The following FDPS variants were observed in gnomAD, a reference collection of about 807,000 sequenced individuals.
FDPS encodes the protein farnesyl diphosphate synthase.
In FDPS, 29 loss-of-function variants were observed where a neutral mutation model predicts 49.5. The ratio of observed to expected loss-of-function variants is 0.59; its 90% CI spans 0.44 to 0.80. FDPS has a LOEUF of 0.80. FDPS is among the 30% of genes least tolerant of loss of function. The pLI is 0.00. For synonymous variants in FDPS, 172 were observed against 206.4 expected, an observed-to-expected ratio of 0.83 and a Z score of 1.43; for missense variants, 414 against 525.6, an observed-to-expected ratio of 0.79 and a Z score of 2.08.
chr1:155,320,144 C>T (rs1488228416), intron 10 of FDPS: 2 of 656,434 alleles, frequency 3.0e-6, no homozygotes, highest in Non-Finnish European at 5.2e-6. Flanking sequence ...AGAACAGCTC[C>T]CCCAGACAGG....
At position 155,319,596 on chromosome 1, in the gene FDPS, C is replaced by G. The variant is rs375549741; in HGVS notation, c.847-15C>G. On this transcript the variant is annotated splice_polypyrimidine_tract_variant and intron_variant, in intron 8 of 10. Coordinates refer to ENST00000368356, the MANE Select transcript of FDPS (RefSeq NM_002004.4). ...ACCCCTGGGGTTTGGCTTATTAACC[C>G]CCCTTTCCCTGCAGGCAGGAATTGA... is the stretch of plus-strand genomic sequence containing the variant. 1.2e-6 allele frequency: 2 copies of G among 1,613,498 alleles called. No homozygotes were observed. The highest frequency in any genetic ancestry group is 2.7e-5 in the African/African-American group (2 of 74,902).
Position 155,319,651 on chromosome 1 carries a change from A to C in FDPS, c.887A>C (p.Lys296Thr). The C allele has an allele frequency of 1.9e-6, 3 of 1,614,250 alleles. No individual in the cohort carries two copies. The South Asian group carries it at 3.3e-5, about 18-fold the overall frequency. ...DGEKEHANAKKILLEMGEFFQ... is the reference protein window; with the variant it reads ...DGEKEHANAKTILLEMGEFFQ... ...GAGAAGGAGCACGCCAATGCCAAGA[A>C]GATCCTGCTGGAGATGGGGGAGTTC... The change falls in exon 9 of 11, where the codon AAG becomes ACG. Residue 296 changes from lysine to threonine, a missense_variant. Transcript: ENST00000368356.
At position 155,310,081 on chromosome 1, in the gene FDPS, A is replaced by G. The variant is rs1355650220; in HGVS notation, c.215A>G (p.Asn72Ser). 1.9e-6 allele frequency: 3 copies of G among 1,614,008 alleles called. 1 individual carries two copies. In the South Asian group the frequency reaches 3.3e-5, roughly 18 times the overall value. Residue 72 changes from asparagine to serine, a missense_variant, in exon 3 of 11, where the codon AAT becomes AGT. By Grantham distance (46) the Asn-to-Ser change is conservative. Transcript: ENST00000368356. ...TCCCTCAGAATGAACGGAGACCAGA[A>G]TTCAGATGTTTATGCCCAAGAAAAG... ...CSSLRMNGDQ[N>S]SDVYAQEKQD...
Position 155,318,397 on chromosome 1 carries a change from C to T in FDPS, c.684+106C>T. 1 of 1,455,474 alleles carries T rather than the reference C, an allele frequency of 6.9e-7. No individual in the cohort carries two copies. Among genetic ancestry groups the T allele is most frequent in the Middle Eastern group, 1.8e-4 (1 of 5,688 alleles). The allele number at this position is 1,455,474 out of a possible 1,614,324, so 90.2% of individuals were successfully genotyped here. ...TTCAGGGTACAGGATTGCAGCGTGC[C>T]TGGAAGGGAAAGAAAGCGAGGAAGG... On this transcript the variant is annotated intron_variant, in intron 6 of 10. Transcript: ENST00000368356. This position sits in a 1 kb window ranked among gnomAD's most constrained non-coding sequence, Gnocchi z 4.2.
At chr1:155,311,463 C>T (rs138755320) in intron 3 of FDPS, among the ~76,000 whole-genome samples, 5 of 152,134 alleles carry the variant, frequency 3.3e-5, no homozygotes, top group African/African-American at 1.2e-4. Flanking sequence ...TGTCTTCTGG[C>T]TGACTTTGGA....
In FDPS at chr1:155,318,508, G is replaced by T. The variant is rs1344438271; in HGVS notation, c.685-157G>T. 1.2e-6 allele frequency: 1 copy of T among 809,872 alleles called. No individual in the cohort carries two copies. The highest frequency in any genetic ancestry group is 2.0e-6 in the Non-Finnish European group (1 of 490,078). The allele number at this position is 809,872 out of a possible 1,614,324, so 50.2% of individuals were successfully genotyped here. The stretch of plus-strand genomic sequence containing the variant: ...AAGAAAGGGTGATAAAGGACTGTGT[G>T]TATGAATATGGGCCTTAAGTTTTGG... On this transcript the variant is annotated intron_variant, in intron 6 of 10. Coordinates refer to ENST00000368356, the MANE Select transcript of FDPS (RefSeq NM_002004.4). The surrounding 1 kb of genome is among the most constrained non-coding windows in gnomAD (Gnocchi z 4.2).
At chr1:155,310,467 C>T (rs1572076783) in intron 3 of FDPS, 2 of 430,180 alleles carry the variant, frequency 4.6e-6, no homozygotes, top group East Asian at 4.3e-5. Context: ...CGTGCCACCA[C>T]ATCCAGCAAA....
intron 4 of FDPS, among the ~76,000 whole-genome samples, chr1:155,315,882 A>C (rs2148241002): frequency 6.7e-6 from 1 of 149,450 alleles, no homozygotes; most frequent in South Asian, 2.1e-4. Context: ...AAAAAAAAAC[A>C]CACAAACCAT....
At position 155,310,061 on chromosome 1, in the gene FDPS, C is replaced by T; in HGVS notation, c.195C>T (p.Leu65=). 1.2e-6 allele frequency: 2 copies of T among 1,613,732 alleles called. No homozygotes were observed. Among genetic ancestry groups the T allele is most frequent in the Middle Eastern group, 3.5e-4 (2 of 5,696 alleles). The part of the protein sequence containing the change: ...TEEPRALCSS[L]RMNGDQNSDV... Reference sequence around the variant, plus strand: ...TACTTAGAGCCCTTTGCTCCTCCCTCAGAATGAACGGAGACCAGAATTCAG... The same window carrying T: ...TACTTAGAGCCCTTTGCTCCTCCCTTAGAATGAACGGAGACCAGAATTCAG... The change falls in exon 3 of 11, where the codon CTC becomes CTT. Residue 65 remains leucine (L), a synonymous_variant. Transcript: ENST00000368356.
intron 3 of FDPS, among the ~76,000 whole-genome samples, chr1:155,311,749 G>C (rs954014232): frequency 2.0e-5 from 3 of 152,082 alleles, no homozygotes; most frequent in African/African-American, 7.2e-5. Context: ...AAGGCGGGTG[G>C]ATGACTTGAG....
At chr1:155,315,452 G>A (rs1649242122) in intron 4 of FDPS, among the ~76,000 whole-genome samples, 2 of 152,186 alleles carry the variant, frequency 1.3e-5, no homozygotes, top group Admixed American at 6.5e-5. Flanking sequence ...GGCTGAGGCG[G>A]GCGGATCATG....
At position 155,312,383 on chromosome 1, in the gene FDPS, G is replaced by T. The variant is rs200530077; in HGVS notation, c.468G>T (p.Trp156Cys). Residue 156 changes from tryptophan to cysteine, a missense_variant, in exon 4 of 11, where the codon TGG becomes TGT. Transcript: ENST00000368356. The part of the protein sequence containing the change: ...DSLQRAWTVG[W>C]CVELLQAFFL... ...TCCAGCGGGCCTGGACTGTGGGCTG[G>T]TGTGTGGAACTGGTGAGAGGGGTAG... 1 of 1,613,916 alleles carries T rather than the reference G, an allele frequency of 6.2e-7. No individual in the cohort carries two copies. The highest frequency in any genetic ancestry group is 8.5e-7 in the Non-Finnish European group (1 of 1,179,876).
intron 8 of FDPS, 79 bp downstream of exon 8, chr1:155,319,007 C>A: frequency 9.9e-7 from 1 of 1,012,432 alleles, no homozygotes; most frequent in Non-Finnish European, 1.6e-6. Flanking sequence ...AAAACGTGAA[C>A]ACTGCTACCC....
intron 4 of FDPS, among the ~76,000 whole-genome samples, chr1:155,313,542 G>A (rs1649014809): frequency 6.6e-6 from 1 of 152,224 alleles, no homozygotes; most frequent in African/African-American, 2.4e-5. Flanking sequence ...GGTGGAGCAG[G>A]TGGATCTGCC....
chr1:155,314,143 C>A (rs568130538), intron 4 of FDPS, among the ~76,000 whole-genome samples: 2 of 151,484 alleles, frequency 1.3e-5, no homozygotes, highest in East Asian at 3.9e-4. Flanking sequence ...AGTTCTTAAC[C>A]CTAGCAGCAC....
rs148687945 is a variant in FDPS at position 155,309,803 on chromosome 1, G to T, written c.14G>T (p.Arg5Leu). 6.4e-7 allele frequency: 1 copy of T among 1,557,270 alleles called. No homozygotes were observed. The highest frequency in any genetic ancestry group is 8.7e-7 in the Non-Finnish European group (1 of 1,144,872). The change falls in exon 2 of 11, where the codon CGC becomes CTC. Residue 5 changes from arginine (R) to leucine (L), a missense_variant. Physicochemically the swap from Arg to Leu is moderately radical, Grantham distance 102. Transcript: ENST00000368356. MPLS[R>L]WLRSVGVFLL... ...GCCACTCCCAGGATGCCCCTGTCCC[G>T]CTGGTTGAGATCTGTGGGGGTCTTC...
chr1:155,309,611 CTTTT>C, intron 1 of FDPS, 174 bp from the exon 2 acceptor site: 1 of 541,696 alleles, frequency 1.8e-6, no homozygotes, highest in Non-Finnish European at 3.2e-6. Context: ...CCCAGCCATA[CTTTT>C]TTGTTCCCTG....
chr1:155,318,399 G>A lies in FDPS; in HGVS notation c.684+108G>A. On this transcript the variant is annotated intron_variant, in intron 6 of 10. Coordinates refer to ENST00000368356, the MANE Select transcript of FDPS (RefSeq NM_002004.4). The surrounding 1 kb of genome is among the most constrained non-coding windows in gnomAD (Gnocchi z 4.2). Reference sequence around the variant, plus strand: ...CAGGGTACAGGATTGCAGCGTGCCTGGAAGGGAAAGAAAGCGAGGAAGGGT... The same window carrying A: ...CAGGGTACAGGATTGCAGCGTGCCTAGAAGGGAAAGAAAGCGAGGAAGGGT... 1 of 1,435,372 alleles carries A rather than the reference G, an allele frequency of 7.0e-7. No homozygotes were observed. The highest frequency in any genetic ancestry group is 9.6e-7 in the Non-Finnish European group (1 of 1,042,076). 88.9% of individuals were successfully genotyped at this position (1,435,372 alleles called of 1,614,324 possible).
chr1:155,320,051 T>C lies in FDPS; in HGVS notation c.1059+123T>C, dbSNP rs141139771. Reference sequence around the variant, plus strand: ...AATGTCAGCAGACATTTTTTGCCATTGTCATTACAACTCTGTGTGTGTGCA... The same window carrying C: ...AATGTCAGCAGACATTTTTTGCCATCGTCATTACAACTCTGTGTGTGTGCA... On this transcript the variant is annotated intron_variant, in intron 10 of 10. Coordinates refer to ENST00000368356, the MANE Select transcript of FDPS (RefSeq NM_002004.4). The C allele has an allele frequency of 7.3e-4, 851 of 1,170,424 alleles. 6 individuals are homozygous for C. In the African/African-American group the frequency reaches 0.012, roughly 16 times the overall value. The allele number at this position is 1,170,424 out of a possible 1,614,324, so 72.5% of individuals were successfully genotyped here.
Sources: allele counts gnomAD v4.1 joint callset (sites outside exome capture counted in the v4.1 genomes callset), GRCh38; gene constraint gnomAD v4.1.1; non-coding constraint Gnocchi (gnomAD v3.1); transcripts MANE v1.5; gene names NCBI Gene and HGNC (gene_info 2026-07-23, HGNC 2026-07-21).